The following ABCB9 variants were observed in gnomAD, a reference collection of about 807,000 sequenced individuals.
ABCB9 encodes ATP binding cassette subfamily B member 9.
ABCB9 carries 36 observed loss-of-function variants against 62.0 expected under a neutral mutation model. The observed-to-expected ratio is 0.58, with a 90% confidence interval of 0.45 to 0.77. The LOEUF (loss-of-function observed/expected upper bound fraction) is 0.77. ABCB9 is among the 30% of genes least tolerant of loss of function. ABCB9 has a pLI of 0.00. For missense variants in ABCB9, 943 were observed against 1,054.7 expected, an observed-to-expected ratio of 0.89 and a Z score of 1.47; for synonymous variants, 435 against 461.4, an observed-to-expected ratio of 0.94 and a Z score of 0.73.
At position 122,930,464 on chromosome 12, in the gene ABCB9, G is replaced by C. The variant is rs1728001050; in HGVS notation, c.2041-293C>G. On this transcript the variant is annotated intron_variant, in intron 11 of 11. Coordinates refer to ENST00000280560, the MANE Select transcript of ABCB9 (RefSeq NM_019625.4). The surrounding 1 kb of genome is among the most constrained non-coding windows in gnomAD (Gnocchi z 4.9). ...TTGCTGTCACCCAGGCTGGAGTGCG[G>C]TGGTGCGATCTCAGCTCACTGCAAC... is the stretch of plus-strand genomic sequence containing the variant. 6.7e-6 allele frequency among the ~76,000 whole-genome samples: 1 copy of C among 149,682 alleles called. No homozygotes were observed. The highest frequency in any genetic ancestry group is 2.5e-5 in the African/African-American group (1 of 40,504).
At chr12:122,970,774 G>A (rs1413649276), upstream of ABCB9, among the ~76,000 whole-genome samples, 4 of 152,168 alleles carry the variant, frequency 2.6e-5, no homozygotes, top group East Asian at 1.9e-4. Context: ...CTATGATGTC[G>A]TTCAGCAGGT....
intron 11 of ABCB9, among the ~76,000 whole-genome samples, chr12:122,923,350 C>T (rs568693182): frequency 1.3e-5 from 2 of 152,274 alleles, no homozygotes; most frequent in East Asian, 3.9e-4. Context: ...TGCAGTGGCG[C>T]GACCTCCACG....
rs909130765 is a variant in ABCB9, at chr12:122,947,409, T to A, written c.1054-1187A>T. 4.8e-6 allele frequency: 2 copies of A among 419,812 alleles called. No homozygotes were observed. Among genetic ancestry groups the A allele is most frequent in the Non-Finnish European group, 9.7e-6 (2 of 205,232 alleles). 26.0% of individuals were successfully genotyped at this position (419,812 alleles called of 1,614,324 possible). On this transcript the variant is annotated intron_variant, in intron 5 of 11. Coordinates refer to ENST00000280560, the MANE Select transcript of ABCB9 (RefSeq NM_019625.4). This position sits in a 1 kb window ranked among gnomAD's most constrained non-coding sequence, Gnocchi z 6.0. Reference sequence around the variant, plus strand: ...ACCGGGGGCTGGGTGGGAGATGGCTTCCTTTGCTACCCTGGTCTCAGGTCA... The same window carrying A: ...ACCGGGGGCTGGGTGGGAGATGGCTACCTTTGCTACCCTGGTCTCAGGTCA...
rs1195347289 is a variant in ABCB9 at position 122,950,582 on chromosome 12, A to G, written c.602-17T>C. 1.9e-6 allele frequency: 3 copies of G among 1,601,298 alleles called. No individual in the cohort carries two copies. The highest frequency in any genetic ancestry group is 2.6e-6 in the Non-Finnish European group (3 of 1,173,348). On this transcript the variant is annotated splice_polypyrimidine_tract_variant and intron_variant, in intron 2 of 11. Transcript: ENST00000280560. Reference sequence around the variant, plus strand: ...AGGTCTCTCCTGGGGGAGGCAGGGCAGCCTCAGGGACGTCTGCAGCCAGGG... The same window carrying G: ...AGGTCTCTCCTGGGGGAGGCAGGGCGGCCTCAGGGACGTCTGCAGCCAGGG...
In ABCB9 at chr12:122,930,298, C is replaced by T. The variant is rs2035085775; in HGVS notation, c.2041-127G>A. 1 of 999,928 alleles carries T rather than the reference C, an allele frequency of 1.0e-6. No homozygotes were observed. The highest frequency in any genetic ancestry group is 1.4e-6 in the Non-Finnish European group (1 of 703,750). 61.9% of individuals were successfully genotyped at this position (999,928 alleles called of 1,614,324 possible). ...TCAGTTCACAAACGATGGCCAGCTT[C>T]CTGGGTTTTTCTTAAAGGGAGACAG... On this transcript the variant is annotated intron_variant, in intron 11 of 11. Coordinates refer to ENST00000280560, the MANE Select transcript of ABCB9 (RefSeq NM_019625.4). This position sits in a 1 kb window ranked among gnomAD's most constrained non-coding sequence, Gnocchi z 4.9.
chr12:122,919,195 G>A (rs778904907), downstream of ABCB9, among the ~76,000 whole-genome samples: 11 of 151,964 alleles, frequency 7.2e-5, no homozygotes, highest in Non-Finnish European at 1.3e-4. Flanking sequence ...TTTTAGAGAC[G>A]AGGTCTCACT....
At chr12:122,928,714 T>C (rs2034979509), downstream of ABCB9, among the ~76,000 whole-genome samples, 1 of 152,028 alleles carries the variant, frequency 6.6e-6, no homozygotes, top group Admixed American at 6.6e-5. Context: ...TTGTTGGGCC[T>C]CAGTTCAGCT....
exon 1 of ABCB9, chr12:122,974,915 G>T: frequency 4.7e-6 from 1 of 211,882 alleles, no homozygotes; most frequent in African/African-American, 2.3e-5. Context: ...AGACGGCGGG[G>T]GGTGGGTCGG....
At chr12:122,952,447 G>A (rs1002856593) in intron 2 of ABCB9, 5 of 152,228 alleles carry the variant, frequency 3.3e-5, no homozygotes, top group Admixed American at 1.3e-4. Flanking sequence ...AGTCTGGCCT[G>A]GCTCAGACAC....
chr12:122,930,249 G>C lies in ABCB9; in HGVS notation c.2041-78C>G. On this transcript the variant is annotated intron_variant, in intron 11 of 11. Transcript: ENST00000280560. This position sits in a 1 kb window ranked among gnomAD's most constrained non-coding sequence, Gnocchi z 4.9. Reference sequence around the variant, plus strand: ...CCGTGCTTCATGCCACGGCCTATGGGCTGATGCTTAACCTCTCTGAGGCTC... The same window carrying C: ...CCGTGCTTCATGCCACGGCCTATGGCCTGATGCTTAACCTCTCTGAGGCTC... 1 of 1,375,150 alleles carries C rather than the reference G, an allele frequency of 7.3e-7. No individual in the cohort carries two copies. Among genetic ancestry groups the C allele is most frequent in the Non-Finnish European group, 9.8e-7 (1 of 1,020,614 alleles). 85.2% of individuals were successfully genotyped at this position (1,375,150 alleles called of 1,614,324 possible). A position where few individuals can be genotyped will look rare whatever the true frequency, so the allele number is the denominator to read the frequency against.
At position 122,932,108 on chromosome 12, in the gene ABCB9, T is replaced by C. The variant is rs1490982385; in HGVS notation, c.2040+84A>G. On this transcript the variant is annotated intron_variant, in intron 11 of 11. Transcript: ENST00000280560. This position sits in a 1 kb window ranked among gnomAD's most constrained non-coding sequence, Gnocchi z 4.7. Reference sequence around the variant, plus strand: ...GAGAGCTCCTGGGGCCCGTCTCTTCTCAGCATCCATCTGCTGGGCGATGGG... The same window carrying C: ...GAGAGCTCCTGGGGCCCGTCTCTTCCCAGCATCCATCTGCTGGGCGATGGG... 1 of 1,546,678 alleles carries C rather than the reference T, an allele frequency of 6.5e-7. No individual in the cohort carries two copies. Among genetic ancestry groups the C allele is most frequent in the Admixed American group, 2.0e-5 (1 of 51,006 alleles).
At chr12:122,921,676 C>G (rs924463995) in intron 11 of ABCB9, among the ~76,000 whole-genome samples, 1 of 152,130 alleles carries the variant, frequency 6.6e-6, no homozygotes, top group African/African-American at 2.4e-5. Flanking sequence ...ACTCGGGAGG[C>G]TGAGGCAGGA....
At position 122,929,827 on chromosome 12, in the gene ABCB9, G is replaced by A; in HGVS notation, c.*84C>T. The A allele has an allele frequency of 1.4e-6, 2 of 1,447,290 alleles. No individual in the cohort carries two copies. Among genetic ancestry groups the A allele is most frequent in the Non-Finnish European group, 1.8e-6 (2 of 1,102,710 alleles). The allele number at this position is 1,447,290 out of a possible 1,614,324, so 89.7% of individuals were successfully genotyped here. A position where few individuals can be genotyped will look rare whatever the true frequency, so the allele number is the denominator to read the frequency against. On this transcript the variant is annotated 3_prime_UTR_variant, in exon 12 of 12. Coordinates refer to ENST00000280560, the MANE Select transcript of ABCB9 (RefSeq NM_019625.4). This position sits in a 1 kb window ranked among gnomAD's most constrained non-coding sequence, Gnocchi z 6.0. The stretch of plus-strand genomic sequence containing the variant: ...TTTCAGTGCTGCAGGCCTGGGCTCG[G>A]AGGGCAGCTGGGGGCCTCCGTGGGC...
chr12:122,971,314 G>A (rs2037267672), upstream of ABCB9, among the ~76,000 whole-genome samples: 1 of 148,914 alleles, frequency 6.7e-6, no homozygotes, highest in Non-Finnish European at 1.5e-5. Flanking sequence ...TTGAACCCAG[G>A]AGGTGGAAGA....
upstream of ABCB9, chr12:122,966,583 G>A (rs1386779539): frequency 6.6e-6 from 1 of 151,256 alleles, no homozygotes; most frequent in Admixed American, 6.6e-5. Context: ...AGGAGTGGGC[G>A]GGCTTTCCTG....
intron 9 of ABCB9, 35 bp from the exon 10 acceptor site, chr12:122,935,466 G>A (rs757191236): frequency 6.3e-7 from 1 of 1,597,078 alleles, no homozygotes; most frequent in Admixed American, 1.7e-5. Context: ...TGAGAGGCCA[G>A]GAATGTGTTC....
At position 122,964,474 on chromosome 12, in the gene ABCB9, G is replaced by T. The variant is rs1247038990; in HGVS notation, c.-88+1813C>A. ...CTGGGGCAGAGCAGTGCTAGCACCT[G>T]GGTCCCTGCCCCCAAGCACTAGTCC... On this transcript the variant is annotated intron_variant, in intron 1 of 11. Transcript: ENST00000280560. The surrounding 1 kb of genome is among the most constrained non-coding windows in gnomAD (Gnocchi z 4.7). Among the ~76,000 whole-genome samples, 1 of 152,234 alleles carries T rather than the reference G, an allele frequency of 6.6e-6. No homozygotes were observed. The highest frequency in any genetic ancestry group is 1.5e-5 in the Non-Finnish European group (1 of 68,036).
At chr12:122,957,047 T>C (rs1008049105) in intron 2 of ABCB9, among the ~76,000 whole-genome samples, 1 of 152,056 alleles carries the variant, frequency 6.6e-6, no homozygotes, top group African/African-American at 2.4e-5. Flanking sequence ...CTATTTTTTT[T>C]TTTTTCTTTG....
intron 5 of ABCB9, chr12:122,948,369 A>T: frequency 2.6e-6 from 1 of 384,462 alleles, no homozygotes; most frequent in East Asian, 4.6e-5. Context: ...GGTACCTAGT[A>T]TCTGTCTCTG....
Sources: gnomAD v4.1 joint callset for allele counts (sites outside exome capture counted in the v4.1 genomes callset) on GRCh38, gnomAD v4.1.1 for gene constraint, Gnocchi (gnomAD v3.1) non-coding constraint, MANE v1.5 for transcripts, NCBI Gene and HGNC (gene_info 2026-07-23, HGNC 2026-07-21) for gene names.